TRHDE: variants seen among roughly 807,000 people sequenced by gnomAD.
The protein encoded by TRHDE is thyrotropin releasing hormone degrading enzyme, also known as thyrotropin-releasing hormone-degrading ectoenzyme.
TRHDE carries 72 observed loss-of-function variants against 125.7 expected under a neutral mutation model. The observed-to-expected ratio is 0.57, with a 90% CI of 0.47 to 0.70. The LOEUF is 0.70. Ranked by LOEUF, TRHDE falls within the 30% of genes least tolerant of loss-of-function variation. TRHDE has a pLI of 0.00. For missense variants in TRHDE, 1,110 were observed against 1,327.1 expected, an observed-to-expected ratio of 0.84 and a Z score of 2.54; for synonymous variants, 509 against 509.1, an observed-to-expected ratio of 1.00 and a Z score of 0.00.
chr12:72,443,643 C>A lies in TRHDE; in HGVS notation c.1316-26115C>A, dbSNP rs996345606. 4.0e-5 allele frequency among the ~76,000 whole-genome samples: 6 copies of A among 151,630 alleles called. No individual in the cohort carries two copies. The South Asian group carries it at 1.0e-3, about 26-fold the overall frequency. On this transcript the variant is annotated intron_variant, in intron 3 of 18. Transcript: ENST00000261180. ...TTTGCATTAAGCTGTATCTATTTTT[C>A]TCTATATATTTTATATTATAATGTA...
rs531671948 is a variant in TRHDE, at chr12:72,394,917, T to C, written c.1315+16796T>C. Among the ~76,000 whole-genome samples, 187 of 152,332 alleles carry C rather than the reference T, an allele frequency of 1.2e-3. 1 individual carries two copies. Among genetic ancestry groups the C allele is most frequent in the Non-Finnish European group, 1.8e-3 (123 of 68,030 alleles). Reference sequence around the variant, plus strand: ...TTTCACCAAATGGTGTTTTCTTAAATGTCTTTTAAATTAAAAAATTTTACA... The same window carrying C: ...TTTCACCAAATGGTGTTTTCTTAAACGTCTTTTAAATTAAAAAATTTTACA... On this transcript the variant is annotated intron_variant, in intron 3 of 18. Transcript: ENST00000261180.
intron 2 of TRHDE, among the ~76,000 whole-genome samples, chr12:72,364,280 G>C (rs1871251338): frequency 6.6e-6 from 1 of 152,008 alleles, no homozygotes; most frequent in South Asian, 2.1e-4. Context: ...ACAAGTGGCT[G>C]TTCCTGGAAT....
At chr12:72,519,202 G>C (rs995414063) in intron 6 of TRHDE, among the ~76,000 whole-genome samples, 3 of 152,122 alleles carry the variant, frequency 2.0e-5, no homozygotes, top group Non-Finnish European at 2.9e-5. Context: ...TGCCTTGCTA[G>C]GTTGGGGAAG....
At chr12:72,372,421 T>C (rs897864654) in intron 2 of TRHDE, among the ~76,000 whole-genome samples, 10 of 152,220 alleles carry the variant, frequency 6.6e-5, no homozygotes, top group African/African-American at 1.2e-4. Flanking sequence ...ATTTTGGCTT[T>C]TGTTGCCATT....
At chr12:72,459,963 A>G (rs1301775833) in intron 3 of TRHDE, among the ~76,000 whole-genome samples, 1 of 152,138 alleles carries the variant, frequency 6.6e-6, no homozygotes, top group Non-Finnish European at 1.5e-5. Flanking sequence ...CTAATTCCCA[A>G]GAGTGACACA....
chr12:72,388,256 C>T (rs1422536341), intron 3 of TRHDE, among the ~76,000 whole-genome samples: 1 of 152,176 alleles, frequency 6.6e-6, no homozygotes, highest in African/African-American at 2.4e-5. Flanking sequence ...TTCAGTCTTG[C>T]AGATCATTTC....
At chr12:72,429,498 G>A (rs910784047) in intron 3 of TRHDE, among the ~76,000 whole-genome samples, 3 of 151,856 alleles carry the variant, frequency 2.0e-5, no homozygotes, top group African/African-American at 4.8e-5. Flanking sequence ...ATTCATGTAC[G>A]TGTTATTCTG....
At chr12:72,335,468 A>T (rs1362735096) in intron 2 of TRHDE, among the ~76,000 whole-genome samples, 1 of 152,202 alleles carries the variant, frequency 6.6e-6, no homozygotes, top group Admixed American at 6.5e-5. Context: ...AAAACGAGAC[A>T]TTTGGCACCA....
In TRHDE at chr12:72,286,723, G is replaced by T; in HGVS notation, c.957G>T (p.Lys319Asn). Residue 319 changes from lysine (K) to asparagine (N), a missense_variant, in exon 2 of 19, where the codon AAG (lysine) becomes AAT (asparagine). Physicochemically the swap from Lys to Asn is moderately conservative, Grantham distance 94. Around this residue, in one of 5 missense-constraint regions of TRHDE, gnomAD observed 252 missense variants for 274.8 expected, o/e 0.92. Coordinates refer to ENST00000261180, the MANE Select transcript of TRHDE (RefSeq NM_013381.3). ...AGTTTTCGCCTACACATGCCAGAAAGGCATTTCCTTGTTTTGATGAGCCAA... is the reference window on the plus strand; with the variant it reads ...AGTTTTCGCCTACACATGCCAGAAATGCATTTCCTTGTTTTGATGAGCCAA... The part of the protein sequence containing the change: ...VTQFSPTHAR[K>N]AFPCFDEPIY... 6.2e-7 allele frequency: 1 copy of T among 1,613,812 alleles called. No homozygotes were observed. Among genetic ancestry groups the T allele is most frequent in the Non-Finnish European group, 8.5e-7 (1 of 1,179,962 alleles).
In TRHDE at chr12:72,625,851, A is replaced by G. The variant is rs1192868556; in HGVS notation, c.2675+4100A>G. Among the ~76,000 whole-genome samples the G allele has an allele frequency of 2.0e-5, 3 of 151,970 alleles. No homozygotes were observed. The Admixed American group carries it at 2.0e-4, about 10-fold the overall frequency. Reference sequence around the variant, plus strand: ...TTACACTACTATATATCAGTAAGATACATTAGTTCAAATATGGTAAAATAA... The same window carrying G: ...TTACACTACTATATATCAGTAAGATGCATTAGTTCAAATATGGTAAAATAA... On this transcript the variant is annotated intron_variant, in intron 15 of 18. Coordinates refer to ENST00000261180, the MANE Select transcript of TRHDE (RefSeq NM_013381.3).
chr12:72,121,524 C>A (rs1875581327), intron 2 of TRHDE, among the ~76,000 whole-genome samples: 1 of 152,156 alleles, frequency 6.6e-6, no homozygotes, highest in African/African-American at 2.4e-5. Flanking sequence ...CAAAGTACCG[C>A]AATCACTGTG....
chr12:72,219,947 A>C (rs191583492), intron 2 of TRHDE, among the ~76,000 whole-genome samples: 1 of 152,352 alleles, frequency 6.6e-6, no homozygotes, highest in African/African-American at 2.4e-5. Flanking sequence ...CACTGTTTGC[A>C]GAAAGAAATA....
chr12:72,540,009 G>A (rs1394779852), intron 6 of TRHDE, among the ~76,000 whole-genome samples: 4 of 151,732 alleles, frequency 2.6e-5, no homozygotes, highest in Admixed American at 2.6e-4. Flanking sequence ...AGGATTCTGA[G>A]TTTTCTTAAA....
intron 3 of TRHDE, among the ~76,000 whole-genome samples, chr12:72,445,095 A>G (rs1314214230): frequency 3.3e-5 from 5 of 151,852 alleles, no homozygotes; most frequent in Non-Finnish European, 5.9e-5. Context: ...TGAAGGTTTT[A>G]AGAAAAATAC....
At chr12:72,507,343 C>T (rs571374513) in intron 6 of TRHDE, among the ~76,000 whole-genome samples, 17 of 152,196 alleles carry the variant, frequency 1.1e-4, no homozygotes, top group Admixed American at 3.9e-4. Context: ...GACAGGAAGA[C>T]GTGGGAAAGT....
intron 7 of TRHDE, among the ~76,000 whole-genome samples, chr12:72,549,810 T>C (rs1326125605): frequency 6.6e-6 from 1 of 151,832 alleles, no homozygotes; most frequent in Non-Finnish European, 1.5e-5. Flanking sequence ...CATTCTGTAT[T>C]CATATTTCTG....
chr12:72,257,136 G>A (rs1878836944), intron 2 of TRHDE: 2 of 152,072 alleles, frequency 1.3e-5, no homozygotes, highest in African/African-American at 4.8e-5. Flanking sequence ...GAGTGATTAT[G>A]AGGAGAAAAG....
At chr12:72,368,183 G>A in intron 2 of TRHDE, among the ~76,000 whole-genome samples, 1 of 152,066 alleles carries the variant, frequency 6.6e-6, no homozygotes, top group South Asian at 2.1e-4. Context: ...TCAATGACTA[G>A]AAAATCTCTT....
chr12:72,262,645 A>T (rs1043665919), intron 2 of TRHDE: 2 of 152,168 alleles, frequency 1.3e-5, no homozygotes, highest in Non-Finnish European at 2.9e-5. Context: ...ATATAAAGAC[A>T]TATATACACC....
Sources: gnomAD v4.1 joint callset for allele counts (sites outside exome capture counted in the v4.1 genomes callset) on GRCh38, gnomAD v4.1.1 for gene constraint, gnomAD v4.1.1 regional missense constraint, MANE v1.5 for transcripts, NCBI Gene and HGNC (gene_info 2026-07-23, HGNC 2026-07-21) for gene names.